The following GPHN variants were observed in gnomAD, a reference collection of about 807,000 sequenced individuals.
The protein encoded by GPHN is gephyrin.
Under a neutral mutation model 95.5 loss-of-function variants are expected in GPHN, and 17 were observed. That is an observed-to-expected ratio of 0.18 (90% CI 0.12 to 0.27). The LOEUF is 0.27. Among genes scored for constraint, GPHN ranks in the 10% least tolerant of loss-of-function variants. The probability of loss-of-function intolerance (pLI) is 1.00; values close to 1 mark genes in which losing one functional copy is unlikely to be tolerated. For missense variants in GPHN, 660 were observed against 978.1 expected, an observed-to-expected ratio of 0.67 and a Z score of 4.34; for synonymous variants, 320 against 322.5, an observed-to-expected ratio of 0.99 and a Z score of 0.08.
chr14:67,531,073 C>T, the GPHN span, among the ~76,000 whole-genome samples: 1 of 152,174 alleles, frequency 6.6e-6, no homozygotes, highest in Non-Finnish European at 1.5e-5. Context: ...TCTCTCTGTT[C>T]CATCCTCCAT....
chr14:67,411,926 C>T, the GPHN span: 412 of 1,204,544 alleles, frequency 3.4e-4, 4 homozygotes, highest in African/African-American at 5.9e-3. Flanking sequence ...CCAGAGCATG[C>T]CCGTTCCGGG....
the GPHN span, chr14:67,575,444 TCTA>T: frequency 1.2e-6 from 2 of 1,608,182 alleles, no homozygotes; most frequent in Admixed American, 3.4e-5. Flanking sequence ...GGGAAAATCT[TCTA>T]CTACTATCGG....
chr14:67,697,209 CA>C, the GPHN span, among the ~76,000 whole-genome samples: 5 of 152,184 alleles, frequency 3.3e-5, no homozygotes, highest in Non-Finnish European at 5.9e-5. Context: ...AATAAGTAAT[CA>C]CTGTAAATAA....
the GPHN span, among the ~76,000 whole-genome samples, chr14:67,683,109 A>G: frequency 0.087 from 13,276 of 152,228 alleles, 856 homozygotes; most frequent in Non-Finnish European, 0.13. Context: ...GCTTCAATCA[A>G]AAGACTTTTA....
chr14:67,319,637 A>C, the GPHN span, among the ~76,000 whole-genome samples: 1 of 152,096 alleles, frequency 6.6e-6, no homozygotes, highest in East Asian at 1.9e-4. Context: ...AAATTGCAAA[A>C]CAATCTCACA....
chr14:67,150,963 C>T (rs1406385486), intron 18 of GPHN, among the ~76,000 whole-genome samples: 1 of 152,052 alleles, frequency 6.6e-6, no homozygotes, highest in Admixed American at 6.5e-5. Flanking sequence ...AGAATATTTT[C>T]AGTGTAGCAT....
At chr14:67,441,684 C>T in the GPHN span, among the ~76,000 whole-genome samples, 5,183 of 148,602 alleles carry the variant, frequency 0.035, 254 homozygotes, top group South Asian at 0.12. Flanking sequence ...CCATGGTGGG[C>T]GGGCCTCATC....
chr14:66,862,311 G>T (rs1427055304), intron 4 of GPHN, among the ~76,000 whole-genome samples: 1 of 151,920 alleles, frequency 6.6e-6, no homozygotes, highest in Non-Finnish European at 1.5e-5. Context: ...AACCTGAACA[G>T]AGCAATAACA....
At chr14:67,531,797 G>A in the GPHN span, among the ~76,000 whole-genome samples, 6 of 131,448 alleles carry the variant, frequency 4.6e-5, no homozygotes, top group Non-Finnish European at 7.9e-5. Context: ...AGTCCCAGCT[G>A]TTCATGAGGC....
At chr14:67,701,840 T>G in the GPHN span, 1 of 152,148 alleles carries the variant, frequency 6.6e-6, no homozygotes. Flanking sequence ...TGTAATAAAT[T>G]ATTATCATGC....
the GPHN span, among the ~76,000 whole-genome samples, chr14:67,599,090 T>C: frequency 6.6e-6 from 1 of 152,198 alleles, no homozygotes; most frequent in Non-Finnish European, 1.5e-5. Flanking sequence ...TATGCTAAAT[T>C]ACCATGCTCT....
intron 1 of GPHN, among the ~76,000 whole-genome samples, chr14:66,571,494 A>G (rs929221409): frequency 6.6e-6 from 1 of 152,166 alleles, no homozygotes; most frequent in Non-Finnish European, 1.5e-5. Flanking sequence ...TTAGTTTGCT[A>G]GAATCCCATT....
the GPHN span, among the ~76,000 whole-genome samples, chr14:67,223,503 G>A: frequency 7.9e-5 from 12 of 152,278 alleles, no homozygotes; most frequent in East Asian, 2.3e-3. Flanking sequence ...GTAGTCCTGG[G>A]ACTCATCTTC....
chr14:67,489,864 C>T, the GPHN span, among the ~76,000 whole-genome samples: 4 of 152,126 alleles, frequency 2.6e-5, no homozygotes, highest in African/African-American at 9.7e-5. Flanking sequence ...ATGGTGGGCA[C>T]CTGTAGTCCC....
At chr14:66,574,851 C>T (rs893399410) in intron 1 of GPHN, among the ~76,000 whole-genome samples, 5 of 152,192 alleles carry the variant, frequency 3.3e-5, no homozygotes, top group African/African-American at 9.7e-5. Context: ...CATTAGTACT[C>T]CAGGCTCTCT....
At chr14:66,906,470 C>T (rs946221800) in intron 5 of GPHN, among the ~76,000 whole-genome samples, 7 of 152,142 alleles carry the variant, frequency 4.6e-5, no homozygotes, top group Non-Finnish European at 8.8e-5. Context: ...CTACATGCTT[C>T]GTGCAAGGCA....
chr14:66,557,283 A>T (rs901180981), intron 1 of GPHN, among the ~76,000 whole-genome samples: 2 of 124,710 alleles, frequency 1.6e-5, no homozygotes, highest in African/African-American at 4.3e-5. Flanking sequence ...ATAGATAGAT[A>T]GAATGAATTT....
chr14:67,393,185 A>T, the GPHN span: 2 of 1,613,994 alleles, frequency 1.2e-6, no homozygotes, highest in Admixed American at 3.3e-5. Flanking sequence ...TCCCTGCTCC[A>T]TGTTGGGGCT....
chr14:67,130,543 T>C (rs2079638636), intron 17 of GPHN, among the ~76,000 whole-genome samples: 1 of 152,202 alleles, frequency 6.6e-6, no homozygotes, highest in Middle Eastern at 3.2e-3. Flanking sequence ...ATGTCTCTGC[T>C]ATTGTGAATA....
Sources: gnomAD v4.1 joint callset for allele counts (sites outside exome capture counted in the v4.1 genomes callset) on GRCh38, gnomAD v4.1.1 for gene constraint, MANE v1.5 for transcripts, NCBI Gene and HGNC (gene_info 2026-07-23, HGNC 2026-07-21) for gene names.